The following WDR45B variants were observed in gnomAD, a reference collection of about 807,000 sequenced individuals.
WDR45B encodes the protein WD repeat domain phosphoinositide-interacting protein 3.
A neutral mutation model predicts 44.6 loss-of-function variants in WDR45B; 20 were observed. The ratio of observed to expected loss-of-function variants is 0.45; its 90% confidence interval spans 0.32 to 0.65. WDR45B has a LOEUF of 0.65. Among genes scored for constraint, WDR45B ranks in the 30% least tolerant of loss-of-function variants. The pLI is 0.05. For missense variants in WDR45B, 323 were observed against 430.2 expected (o/e 0.75, Z 2.20); for synonymous variants, 169 against 164.9 (o/e 1.02, Z -0.19).
Position 82,616,174 on chromosome 17 carries a change from G to A in WDR45B, c.929-149C>T, listed in dbSNP as rs76555339. The A allele has an allele frequency of 1.0e-3, 818 of 813,712 alleles. 2 individuals are homozygous for A. The highest frequency in any genetic ancestry group is 9.2e-3 in the African/African-American group (543 of 59,108). The allele number at this position is 813,712 out of a possible 1,614,324, so 50.4% of individuals were successfully genotyped here. A position where few individuals can be genotyped will look rare whatever the true frequency, so the allele number is the denominator to read the frequency against. On this transcript the variant is annotated intron_variant, in intron 9 of 9. Coordinates refer to ENST00000392325, the MANE Select transcript of WDR45B (RefSeq NM_019613.4). The stretch of plus-strand genomic sequence containing the variant: ...AGGCCCCAGGGTCCCCACTGAATGC[G>A]TTCGGTCGGCACCGTGGCCGGGAAT...
chr17:82,629,298 A>G (rs1373730551), intron 3 of WDR45B, among the ~76,000 whole-genome samples: 1 of 152,178 alleles, frequency 6.6e-6, no homozygotes, highest in East Asian at 1.9e-4. Context: ...TTAATGGTCA[A>G]TGAAGTTCTC....
At chr17:82,630,650 G>C (rs528357065) in intron 3 of WDR45B, among the ~76,000 whole-genome samples, 4 of 152,144 alleles carry the variant, frequency 2.6e-5, no homozygotes, top group Admixed American at 2.0e-4. Context: ...TGACATTTAC[G>C]ACGTCAACCT....
At chr17:82,616,814 TA>T (rs769779051) in intron 8 of WDR45B, among the ~76,000 whole-genome samples, 169 bp from the exon 9 acceptor site, 4 of 151,546 alleles carry the variant, frequency 2.6e-5, no homozygotes, top group East Asian at 1.9e-4. Flanking sequence ...CAATTTTATT[TA>T]AAAAAAAAAT....
At position 82,643,952 on chromosome 17, in the gene WDR45B, G is replaced by C. The variant is rs756722840; in HGVS notation, c.139C>G (p.Gln47Glu). 3 of 1,613,842 alleles carry C rather than the reference G, an allele frequency of 1.9e-6. No homozygotes were observed. The highest frequency in any genetic ancestry group is 2.5e-6 in the Non-Finnish European group (3 of 1,179,838). ...NTDPLKEKEK[Q>E]EFLEGGVGHV... ...AAAATGTCCCGTTAATTCTTACCTTGTTTCTCTTTTTCTTTTAGTGGATCA... is the reference window on the plus strand; with the variant it reads ...AAAATGTCCCGTTAATTCTTACCTTCTTTCTCTTTTTCTTTTAGTGGATCA... The change falls in exon 2 of 10, where the codon CAA (glutamine) becomes GAA (glutamate). Residue 47 changes from glutamine to glutamate, a missense_variant. Gln to Glu is a conservative substitution (Grantham distance 29). Transcript: ENST00000392325.
At chr17:82,625,969 C>G (rs1430892915) in intron 4 of WDR45B, 1 of 194,866 alleles carries the variant, frequency 5.1e-6, no homozygotes, top group East Asian at 1.3e-4. Flanking sequence ...ACTGCAACCT[C>G]CACCTCCAGT....
At chr17:82,642,538 G>C (rs915354674) in intron 2 of WDR45B, among the ~76,000 whole-genome samples, 1 of 151,856 alleles carries the variant, frequency 6.6e-6, no homozygotes, top group African/African-American at 2.4e-5. Context: ...AATCCAAGGA[G>C]GGGGCTGTGG....
intron 4 of WDR45B, 124 bp from the exon 5 acceptor site, chr17:82,625,607 C>T (rs2045685446): frequency 9.7e-7 from 1 of 1,031,622 alleles, no homozygotes; most frequent in Non-Finnish European, 1.4e-6. Context: ...AGGAGTGTTC[C>T]TGAAGAAAAA....
chr17:82,643,875 C>T, intron 2 of WDR45B, 74 bp downstream of exon 2: 1 of 1,405,404 alleles, frequency 7.1e-7, no homozygotes, highest in Non-Finnish European at 9.6e-7. Flanking sequence ...TTCCCTGCTC[C>T]ACCTGCAAGG....
rs910461127 is a variant in WDR45B at position 82,648,399 on chromosome 17, G to C, written c.-59C>G. On this transcript the variant is annotated 5_prime_UTR_variant, in exon 1 of 10. Coordinates refer to ENST00000392325, the MANE Select transcript of WDR45B (RefSeq NM_019613.4). ...CTGCATGCCTCTCGCTGGGGACGGC[G>C]GCCTGGTCCCTTCGGGCCGGCGCTG... 2.5e-6 allele frequency: 4 copies of C among 1,579,042 alleles called. No homozygotes were observed. Among genetic ancestry groups the C allele is most frequent in the Non-Finnish European group, 2.6e-6 (3 of 1,164,266 alleles).
chr17:82,642,815 T>A (rs943266963), intron 2 of WDR45B, among the ~76,000 whole-genome samples: 3 of 152,126 alleles, frequency 2.0e-5, no homozygotes, highest in Admixed American at 2.0e-4. Flanking sequence ...CTGGGGGGTT[T>A]TTCCCACACA....
At chr17:82,640,153 G>A (rs1330275430) in intron 2 of WDR45B, among the ~76,000 whole-genome samples, 2 of 152,130 alleles carry the variant, frequency 1.3e-5, no homozygotes, top group African/African-American at 2.4e-5. Context: ...GGCAGAAGGC[G>A]TATCTGGAAA....
chr17:82,636,787 C>G (rs1351906543), intron 2 of WDR45B, among the ~76,000 whole-genome samples: 1 of 152,022 alleles, frequency 6.6e-6, no homozygotes, highest in African/African-American at 2.4e-5. Context: ...CCCGTCAACT[C>G]TAATCAATAA....
rs1211329148 is a variant in WDR45B, at chr17:82,619,248, T to C, written c.619-120A>G. Reference sequence around the variant, plus strand: ...CAAGCCTTTCTCAAACTCACCCACATCATCTACTACTTAACTTTCTCCTCC... The same window carrying C: ...CAAGCCTTTCTCAAACTCACCCACACCATCTACTACTTAACTTTCTCCTCC... On this transcript the variant is annotated intron_variant, in intron 6 of 9. Transcript: ENST00000392325. 9.8e-6 allele frequency: 9 copies of C among 915,228 alleles called. No homozygotes were observed. The East Asian group carries it at 2.4e-4, about 24-fold the overall frequency. 56.7% of individuals were successfully genotyped at this position (915,228 alleles called of 1,614,324 possible). A position where few individuals can be genotyped will look rare whatever the true frequency, so the allele number is the denominator to read the frequency against.
rs1421896129 is a variant in WDR45B, at chr17:82,619,082, T to A, written c.665A>T (p.Gln222Leu). Reference sequence around the variant, plus strand: ...TGCTTGAGATCCTCTTCGCAGTTCCTGGATTAAATGCCCTGATGAAGTATC... The same window carrying A: ...TGCTTGAGATCCTCTTCGCAGTTCCAGGATTAAATGCCCTGATGAAGTATC... ...IFDTSSGHLI[Q>L]ELRRGSQAAN... The change falls in exon 7 of 10, where the codon CAG becomes CTG. Residue 222 changes from glutamine to leucine, a missense_variant. By Grantham distance (113) the Gln-to-Leu change is moderately radical. Transcript: ENST00000392325. 6.2e-7 allele frequency: 1 copy of A among 1,614,248 alleles called. No homozygotes were observed.
At chr17:82,633,036 G>A (rs1337010915) in intron 2 of WDR45B, among the ~76,000 whole-genome samples, 1 of 151,934 alleles carries the variant, frequency 6.6e-6, no homozygotes, top group Non-Finnish European at 1.5e-5. Context: ...GGTGGCAGGC[G>A]CCTGTAATCC....
intron 6 of WDR45B, among the ~76,000 whole-genome samples, chr17:82,620,434 AAAAAC>A (rs57027645): frequency 7.3e-5 from 11 of 151,706 alleles, no homozygotes; most frequent in Admixed American, 2.0e-4. Context: ...CTCAATCTCA[AAAAAC>A]AAAACAAAAC....
chr17:82,615,833 G>A lies in WDR45B; in HGVS notation c.*86C>T. On this transcript the variant is annotated 3_prime_UTR_variant, in exon 10 of 10. Coordinates refer to ENST00000392325, the MANE Select transcript of WDR45B (RefSeq NM_019613.4). Reference sequence around the variant, plus strand: ...TCCCTGGGCAGCCCCTCCAGCCCGTGGCCCAGGAGGCCCCTGGGGCACTGG... The same window carrying A: ...TCCCTGGGCAGCCCCTCCAGCCCGTAGCCCAGGAGGCCCCTGGGGCACTGG... The A allele has an allele frequency of 1.6e-6, 2 of 1,271,674 alleles. No individual in the cohort carries two copies. Among genetic ancestry groups the A allele is most frequent in the Non-Finnish European group, 2.3e-6 (2 of 872,558 alleles). 78.8% of individuals were successfully genotyped at this position (1,271,674 alleles called of 1,614,324 possible).
At chr17:82,642,223 C>A (rs1281102644) in intron 2 of WDR45B, among the ~76,000 whole-genome samples, 1 of 152,112 alleles carries the variant, frequency 6.6e-6, no homozygotes, top group East Asian at 1.9e-4. Context: ...ACGCAAGCAG[C>A]AGGCGAACAA....
chr17:82,615,019 G>A lies in WDR45B; in HGVS notation c.*900C>T, dbSNP rs1435995008. 1 of 152,174 alleles carries A rather than the reference G, an allele frequency of 6.6e-6. No homozygotes were observed. The highest frequency in any genetic ancestry group is 1.5e-5 in the Non-Finnish European group (1 of 68,044). The allele number at this position is 152,174 out of a possible 1,614,324, so 9.4% of individuals were successfully genotyped here. A position where few individuals can be genotyped will look rare whatever the true frequency, so the allele number is the denominator to read the frequency against. ...AGGGCATTTCCCTCCACACCAGCGG[G>A]AACTGCATGGACCCTCCCAGACCCT... On this transcript the variant is annotated 3_prime_UTR_variant, in exon 10 of 10. Transcript: ENST00000392325.
Sources: allele counts gnomAD v4.1 joint callset (sites outside exome capture counted in the v4.1 genomes callset), GRCh38; gene constraint gnomAD v4.1.1; transcripts MANE v1.5; gene names NCBI Gene and HGNC (gene_info 2026-07-23, HGNC 2026-07-21).